The following SETBP1 variants were observed in gnomAD, a reference collection of about 807,000 sequenced individuals.
SETBP1 encodes SET-binding protein.
SETBP1 carries 9 observed loss-of-function variants against 101.0 expected under a neutral mutation model. That is an observed-to-expected ratio of 0.09 (90% confidence interval 0.05 to 0.16). SETBP1 has a LOEUF of 0.16. Ranked by LOEUF, SETBP1 falls within the 10% of genes least tolerant of loss-of-function variation. The pLI, the probability that SETBP1 is intolerant of heterozygous loss-of-function variation, is 1.00. For missense variants in SETBP1, 1,858 were observed against 2,033.8 expected (o/e 0.91, Z 1.66); for synonymous variants, 818 against 788.5 (o/e 1.04, Z -0.63).
intron 1 of SETBP1, among the ~76,000 whole-genome samples, chr18:44,682,383 A>G (rs2068774174): frequency 6.6e-6 from 1 of 152,174 alleles, no homozygotes; most frequent in Admixed American, 6.5e-5. Context: ...CCCAGCTGGG[A>G]TGGGAAGGCG....
At position 44,810,619 on chromosome 18, in the gene SETBP1, C is replaced by T. The variant is rs113949089; in HGVS notation, c.487-58611C>T. On this transcript the variant is annotated intron_variant, in intron 2 of 5. Coordinates refer to ENST00000649279, the MANE Select transcript of SETBP1 (RefSeq NM_015559.3). ...ATGTTTGATTTAGGGTCTGGAGATC[C>T]TAATTGTAATATCTTTTGTTCCTTA... 6.5e-3 allele frequency among the ~76,000 whole-genome samples: 986 copies of T among 152,196 alleles called. 8 individuals carry two copies. Among genetic ancestry groups the T allele is most frequent in the African/African-American group, 0.023 (955 of 41,512 alleles).
intron 4 of SETBP1, among the ~76,000 whole-genome samples, chr18:44,959,167 G>C (rs1339753648): frequency 6.6e-6 from 1 of 152,194 alleles, no homozygotes; most frequent in Non-Finnish European, 1.5e-5. Context: ...AAATTATGCA[G>C]ATTCAGGTGT....
At chr18:44,887,689 C>G (rs949332109) in intron 3 of SETBP1, among the ~76,000 whole-genome samples, 2 of 152,154 alleles carry the variant, frequency 1.3e-5, no homozygotes, top group Non-Finnish European at 2.9e-5. Flanking sequence ...CAAGGACAAG[C>G]TAGGATCATC....
At chr18:44,829,568 T>C (rs2072312426) in intron 2 of SETBP1, among the ~76,000 whole-genome samples, 1 of 152,198 alleles carries the variant, frequency 6.6e-6, no homozygotes, top group Admixed American at 6.5e-5. Flanking sequence ...TTCGGCAACA[T>C]GACATTTTTA....
At chr18:44,844,997 G>A (rs778587951) in intron 2 of SETBP1, among the ~76,000 whole-genome samples, 2 of 152,144 alleles carry the variant, frequency 1.3e-5, no homozygotes, top group East Asian at 1.9e-4. Context: ...GATGGGAATC[G>A]GTGACAGACA....
At chr18:45,033,239 C>G (rs1017819732) in intron 4 of SETBP1, among the ~76,000 whole-genome samples, 1 of 151,990 alleles carries the variant, frequency 6.6e-6, no homozygotes, top group East Asian at 1.9e-4. Context: ...ACTGGTTTAC[C>G]CAAAAGTCTA....
intron 2 of SETBP1, among the ~76,000 whole-genome samples, chr18:44,709,320 G>A (rs1434002886): frequency 6.6e-6 from 1 of 152,146 alleles, no homozygotes; most frequent in African/African-American, 2.4e-5. Context: ...AGCATGGCTG[G>A]TGTGCTCTGT....
chr18:44,898,584 G>T (rs780555951), intron 3 of SETBP1, among the ~76,000 whole-genome samples: 4 of 152,138 alleles, frequency 2.6e-5, no homozygotes, highest in African/African-American at 9.7e-5. Flanking sequence ...GGGGAAGGAA[G>T]CCAGGAAGGC....
intron 4 of SETBP1, among the ~76,000 whole-genome samples, chr18:44,967,544 C>T (rs956409978): frequency 6.6e-6 from 1 of 152,176 alleles, no homozygotes; most frequent in Non-Finnish European, 1.5e-5. Flanking sequence ...CAGGTGAGTA[C>T]TCTGTTTAAG....
At chr18:44,828,329 A>G (rs1031833887) in intron 2 of SETBP1, among the ~76,000 whole-genome samples, 3 of 152,208 alleles carry the variant, frequency 2.0e-5, no homozygotes, top group Non-Finnish European at 4.4e-5. Context: ...AAAGGGACTC[A>G]GGATCTGTGA....
In SETBP1 at chr18:44,952,457, C is replaced by T; in HGVS notation, c.3117C>T (p.Ser1039=). 1 of 1,614,138 alleles carries T rather than the reference C, an allele frequency of 6.2e-7. No individual in the cohort carries two copies. The highest frequency in any genetic ancestry group is 8.5e-7 in the Non-Finnish European group (1 of 1,180,042). The part of the protein sequence containing the change: ...MTKVPFLQGF[S]YPIPSGSYYA... ...AGGTGCCTTTTTTACAAGGGTTCAG[C>T]TACCCTATTCCCAGTGGAAGTTACT... Residue 1039 remains serine (S), a synonymous_variant, in exon 4 of 6, where the codon AGC becomes AGT. Transcript: ENST00000649279.
chr18:45,008,212 G>A (rs12969574), intron 4 of SETBP1, among the ~76,000 whole-genome samples: 4,023 of 152,206 alleles, frequency 0.026, 75 homozygotes, highest in Non-Finnish European at 0.041. Flanking sequence ...GGGGACAAGA[G>A]GTTTTCTTCA....
At chr18:45,019,697 G>A (rs1444728382) in intron 4 of SETBP1, among the ~76,000 whole-genome samples, 1 of 151,928 alleles carries the variant, frequency 6.6e-6, no homozygotes, top group African/African-American at 2.4e-5. Context: ...TTTTCAACAG[G>A]TTCTGCAACT....
chr18:44,745,985 G>T lies in SETBP1; in HGVS notation c.486+44153G>T, dbSNP rs565250300. 7.2e-5 allele frequency among the ~76,000 whole-genome samples: 11 copies of T among 152,312 alleles called. No individual in the cohort carries two copies. The South Asian group carries it at 2.3e-3, about 32-fold the overall frequency. ...CTGGAAGGCACACACACACCCAGGA[G>T]TGAAGAGAGAGCTTGAATTGGGGCA... On this transcript the variant is annotated intron_variant, in intron 2 of 5. Coordinates refer to ENST00000649279, the MANE Select transcript of SETBP1 (RefSeq NM_015559.3).
At position 44,701,404 on chromosome 18, in the gene SETBP1, C is replaced by T; in HGVS notation, c.58C>T (p.Leu20=). 6.4e-7 allele frequency: 1 copy of T among 1,571,250 alleles called. No homozygotes were observed. The highest frequency in any genetic ancestry group is 8.6e-7 in the Non-Finnish European group (1 of 1,156,758). ...SRQRGGESDF[L]PVSSAKPPAA... Reference sequence around the variant, plus strand: ...GCAAAGAGGGGGCGAGTCAGACTTCCTGCCGGTCTCCTCAGCCAAGCCCCC... The same window carrying T: ...GCAAAGAGGGGGCGAGTCAGACTTCTTGCCGGTCTCCTCAGCCAAGCCCCC... The change falls in exon 2 of 6, where the codon CTG becomes TTG. Residue 20 remains leucine, a synonymous_variant. Transcript: ENST00000649279.
intron 2 of SETBP1, among the ~76,000 whole-genome samples, chr18:44,748,378 G>A (rs1306293895): frequency 6.6e-6 from 1 of 152,198 alleles, no homozygotes; most frequent in Non-Finnish European, 1.5e-5. Context: ...AAAATAAGGA[G>A]AGCAAACAAG....
chr18:44,815,039 A>G (rs1456782344), intron 2 of SETBP1, among the ~76,000 whole-genome samples: 2 of 152,194 alleles, frequency 1.3e-5, no homozygotes, highest in Non-Finnish European at 2.9e-5. Context: ...ACAGACCCTG[A>G]TGGTGAGGTG....
intron 2 of SETBP1, among the ~76,000 whole-genome samples, chr18:44,838,356 T>C (rs1405990288): frequency 6.6e-6 from 1 of 152,198 alleles, no homozygotes; most frequent in East Asian, 1.9e-4. Context: ...AATGACAGCC[T>C]TCAATATATG....
At chr18:44,747,934 A>C (rs2144517320) in intron 2 of SETBP1, among the ~76,000 whole-genome samples, 1 of 152,344 alleles carries the variant, frequency 6.6e-6, no homozygotes, top group Admixed American at 6.5e-5. Flanking sequence ...TCTTATGTAG[A>C]GACAGCCTCC....
Sources: gnomAD v4.1 joint callset for allele counts (sites outside exome capture counted in the v4.1 genomes callset) on GRCh38, gnomAD v4.1.1 for gene constraint, MANE v1.5 for transcripts, NCBI Gene and HGNC (gene_info 2026-07-23, HGNC 2026-07-21) for gene names.